Variants in XKR9 observed in about 807,000 individuals in gnomAD.
The protein encoded by XKR9 is XK related 9, also known as XK-related protein 9.
Under a neutral mutation model 32.0 loss-of-function variants are expected in XKR9, and 32 were observed. The ratio of observed to expected loss-of-function variants is 1.00; its 90% CI spans 0.76 to 1.34. XKR9 has a LOEUF of 1.34. Ranked by LOEUF, XKR9 falls within the 40% of genes most tolerant of loss-of-function variation. XKR9 has a pLI of 0.00. For missense variants in XKR9, 546 were observed against 429.7 expected (o/e 1.27, Z -2.39); for synonymous variants, 168 against 143.4 (o/e 1.17, Z -1.22).
At chr8:70,700,712 A>C (rs557735764) in intron 3 of XKR9, among the ~76,000 whole-genome samples, 68 of 152,296 alleles carry the variant, frequency 4.5e-4, no homozygotes, top group Non-Finnish European at 7.6e-4. Flanking sequence ...GCTCTCTTCA[A>C]AGCTGTCAGA....
the XKR9 span, among the ~76,000 whole-genome samples, chr8:70,810,556 A>G: frequency 2.6e-5 from 4 of 152,358 alleles, no homozygotes; most frequent in Non-Finnish European, 4.4e-5. Flanking sequence ...TCTCACATGC[A>G]GAGACACACA....
At chr8:71,050,298 T>TATAG in the XKR9 span, among the ~76,000 whole-genome samples, 5 of 92,800 alleles carry the variant, frequency 5.4e-5, no homozygotes, top group South Asian at 4.3e-4. Context: ...TATAGATATA[T>TATAG]ATATAGATAT....
the XKR9 span, among the ~76,000 whole-genome samples, chr8:70,920,852 G>T: frequency 3.9e-5 from 6 of 152,146 alleles, no homozygotes; most frequent in South Asian, 1.2e-3. Flanking sequence ...TTAAATTAAA[G>T]CATATTTAGA....
At chr8:70,991,698 C>T in the XKR9 span, among the ~76,000 whole-genome samples, 1 of 152,272 alleles carries the variant, frequency 6.6e-6, no homozygotes, top group Middle Eastern at 3.4e-3. Flanking sequence ...GAACTATATG[C>T]ATCATAGAAC....
At chr8:70,769,138 C>A (rs1298541589) in intron 2 of XKR9, among the ~76,000 whole-genome samples, 2 of 151,988 alleles carry the variant, frequency 1.3e-5, no homozygotes, top group African/African-American at 2.4e-5. Context: ...TGACAAAATC[C>A]CTTAGCATTT....
At chr8:70,793,725 G>A (rs192675061), downstream of XKR9, among the ~76,000 whole-genome samples, 549 of 152,056 alleles carry the variant, frequency 3.6e-3, 2 homozygotes, top group Non-Finnish European at 6.6e-3. Context: ...TTATCTTTAT[G>A]TCAGTTCCAC....
chr8:70,817,386 A>G, the XKR9 span, among the ~76,000 whole-genome samples: 36 of 152,290 alleles, frequency 2.4e-4, no homozygotes, highest in African/African-American at 8.4e-4. Flanking sequence ...TAGTCACACA[A>G]AGAAATAAAA....
chr8:70,795,726 A>G, the XKR9 span, among the ~76,000 whole-genome samples: 2 of 152,032 alleles, frequency 1.3e-5, no homozygotes, highest in African/African-American at 4.8e-5. Flanking sequence ...CATTTCTCTA[A>G]TGATCACTGA....
At chr8:70,908,124 A>G in the XKR9 span, among the ~76,000 whole-genome samples, 1 of 152,192 alleles carries the variant, frequency 6.6e-6, no homozygotes, top group East Asian at 1.9e-4. Context: ...ATTGAAATGA[A>G]CATAAACTGT....
chr8:70,977,095 T>C, the XKR9 span, among the ~76,000 whole-genome samples: 1 of 152,200 alleles, frequency 6.6e-6, no homozygotes, highest in Non-Finnish European at 1.5e-5. Flanking sequence ...TACATCGATT[T>C]GATTCTTCTC....
At chr8:70,914,544 C>G in the XKR9 span, among the ~76,000 whole-genome samples, 8 of 152,148 alleles carry the variant, frequency 5.3e-5, 1 homozygote, top group East Asian at 1.5e-3. Flanking sequence ...TTGTACAAAT[C>G]TTTTGCCCAT....
chr8:70,766,545 C>G (rs1357786164), intron 2 of XKR9, among the ~76,000 whole-genome samples: 2 of 152,124 alleles, frequency 1.3e-5, no homozygotes, highest in Non-Finnish European at 2.9e-5. Flanking sequence ...TCTGCAAACA[C>G]AGACAATTTG....
At chr8:71,005,719 AGAG>A in the XKR9 span, among the ~76,000 whole-genome samples, 1 of 152,226 alleles carries the variant, frequency 6.6e-6, no homozygotes, top group Admixed American at 6.5e-5. Context: ...AGGAAAATCA[AGAG>A]GAGAAGGAAT....
At chr8:70,678,314 T>C (rs1818949049) in intron 2 of XKR9, among the ~76,000 whole-genome samples, 1 of 152,218 alleles carries the variant, frequency 6.6e-6, no homozygotes, top group Admixed American at 6.5e-5. Context: ...TTGAATTTTA[T>C]GTTTAAGAAT....
intron 2 of XKR9, among the ~76,000 whole-genome samples, chr8:70,759,348 G>A (rs964221827): frequency 2.9e-4 from 44 of 152,252 alleles, no homozygotes; most frequent in African/African-American, 1.0e-3. Context: ...ATTTTAGAAA[G>A]GGGGTGGAGA....
At chr8:70,729,673 C>T (rs989077582) in intron 4 of XKR9, among the ~76,000 whole-genome samples, 3 of 152,082 alleles carry the variant, frequency 2.0e-5, no homozygotes, top group Non-Finnish European at 2.9e-5. Context: ...ACAAGAAAAT[C>T]TGTTACCTCT....
intron 4 of XKR9, among the ~76,000 whole-genome samples, chr8:70,721,810 T>C (rs1398152261): frequency 6.6e-6 from 1 of 151,782 alleles, no homozygotes; most frequent in Non-Finnish European, 1.5e-5. Context: ...TGTAGATGTC[T>C]ATTAGGTCCT....
At chr8:70,805,929 G>C in the XKR9 span, among the ~76,000 whole-genome samples, 1 of 152,194 alleles carries the variant, frequency 6.6e-6, no homozygotes, top group Non-Finnish European at 1.5e-5. Flanking sequence ...AATGGGTCCT[G>C]TTCCCCGTGC....
At chr8:70,905,528 T>G in the XKR9 span, among the ~76,000 whole-genome samples, 30 of 152,196 alleles carry the variant, frequency 2.0e-4, no homozygotes, top group African/African-American at 7.0e-4. Context: ...GTCTAATCTT[T>G]TTTCAAGGTT....
Sources: gnomAD v4.1 joint callset for allele counts (sites outside exome capture counted in the v4.1 genomes callset) on GRCh38, gnomAD v4.1.1 for gene constraint, MANE v1.5 for transcripts, NCBI Gene and HGNC (gene_info 2026-07-23, HGNC 2026-07-21) for gene names.